Variants in MSI2 observed in about 807,000 individuals in gnomAD.
MSI2 encodes the protein musashi RNA binding protein 2, also known as RNA-binding protein Musashi homolog 2.
Under a neutral mutation model 45.6 loss-of-function variants are expected in MSI2, and 17 were observed. The observed-to-expected ratio is 0.37, with a 90% CI of 0.26 to 0.56. The LOEUF (loss-of-function observed/expected upper bound fraction) is 0.56. Among genes scored for constraint, MSI2 ranks in the 20% least tolerant of loss-of-function variants. The pLI, the probability that MSI2 is intolerant of heterozygous loss-of-function variation, is 0.77. For synonymous variants in MSI2, 156 were observed against 158.2 expected (o/e 0.99, Z 0.11); for missense variants, 293 against 444.2 (o/e 0.66, Z 3.06).
At chr17:57,650,521 A>G (rs1567959696) in intron 10 of MSI2, among the ~76,000 whole-genome samples, 1 of 152,106 alleles carries the variant, frequency 6.6e-6, no homozygotes. Context: ...CTCTCGGTTC[A>G]TTGCTGCCTT....
intron 6 of MSI2, among the ~76,000 whole-genome samples, chr17:57,447,225 T>C (rs2084916137): frequency 6.6e-6 from 1 of 152,162 alleles, no homozygotes. Flanking sequence ...TAGCTAGGGC[T>C]ATAGGTGTGT....
chr17:57,450,255 T>TAAAGAAAGAAAGAAAGAAAGAAAGAAGG (rs2084975142), intron 6 of MSI2: 11 of 76,022 alleles, frequency 1.4e-4, no homozygotes, highest in Non-Finnish European at 2.1e-4. Flanking sequence ...TTCCCCAGCT[T>TAAAGAAAGAAAGAAAGAAAGAAAGAAGG]AAAGAAAGAA....
chr17:57,442,582 G>T (rs979244491), intron 6 of MSI2, among the ~76,000 whole-genome samples: 23 of 152,044 alleles, frequency 1.5e-4, no homozygotes, highest in African/African-American at 5.3e-4. Flanking sequence ...GTTCTCCACT[G>T]GCCTCTCCTC....
chr17:57,270,403 G>T (rs1246067559), intron 5 of MSI2, among the ~76,000 whole-genome samples: 2 of 152,212 alleles, frequency 1.3e-5, no homozygotes, highest in African/African-American at 4.8e-5. Flanking sequence ...TCTCCTCTCT[G>T]CTAAGCCTTG....
chr17:57,530,679 T>A (rs1321389131), intron 7 of MSI2, among the ~76,000 whole-genome samples: 2 of 152,124 alleles, frequency 1.3e-5, no homozygotes, highest in Non-Finnish European at 2.9e-5. Flanking sequence ...TTGGATCGCA[T>A]TTAGATGTTT....
At chr17:57,628,049 GC>G in intron 10 of MSI2, 1 of 152,578 alleles carries the variant, frequency 6.6e-6, no homozygotes, top group East Asian at 1.9e-4. Flanking sequence ...TACAGGGTAT[GC>G]TTTTCCCCAG....
At chr17:57,394,510 T>C (rs1043579597) in intron 5 of MSI2, among the ~76,000 whole-genome samples, 2 of 152,208 alleles carry the variant, frequency 1.3e-5, no homozygotes, top group Non-Finnish European at 2.9e-5. Context: ...GGCTTTTCCA[T>C]AGGGGAAAAG....
At position 57,529,625 on chromosome 17, in the gene MSI2, G is replaced by T; in HGVS notation, c.406-51G>T. On this transcript the variant is annotated intron_variant, in intron 6 of 13. Transcript: ENST00000284073. This position sits in a 1 kb window ranked among gnomAD's most constrained non-coding sequence, Gnocchi z 5.3. ...CCCCGACATGCATATAATGTTTTGT[G>T]TACTTTCTTAAAATTCCTAAGGCAG... The T allele has an allele frequency of 6.4e-7, 1 of 1,557,012 alleles. No individual in the cohort carries two copies. Among genetic ancestry groups the T allele is most frequent in the African/African-American group, 1.4e-5 (1 of 73,266 alleles).
At chr17:57,629,964 C>G (rs1209504866) in intron 10 of MSI2, 1 of 152,232 alleles carries the variant, frequency 6.6e-6, no homozygotes, top group Non-Finnish European at 1.5e-5. Flanking sequence ...CAATGTGGAC[C>G]CTATGCTAAG....
At chr17:57,397,759 T>C (rs1188291951) in intron 5 of MSI2, among the ~76,000 whole-genome samples, 1 of 152,208 alleles carries the variant, frequency 6.6e-6, no homozygotes, top group South Asian at 2.1e-4. Context: ...CACAGCCCTG[T>C]CGCCCCCATA....
chr17:57,331,681 T>G (rs1358614776), intron 5 of MSI2, among the ~76,000 whole-genome samples: 1 of 152,342 alleles, frequency 6.6e-6, no homozygotes, highest in South Asian at 2.1e-4. Flanking sequence ...GTGCTTGGCA[T>G]GTAACCTTCC....
intron 5 of MSI2, among the ~76,000 whole-genome samples, chr17:57,368,393 T>TA (rs976777550): frequency 8.6e-5 from 13 of 152,004 alleles, no homozygotes; most frequent in African/African-American, 3.1e-4. Context: ...CCGTCTCTAC[T>TA]AAAAATACAA....
intron 7 of MSI2, among the ~76,000 whole-genome samples, chr17:57,594,499 C>T (rs564783123): frequency 2.6e-5 from 4 of 152,194 alleles, no homozygotes; most frequent in East Asian, 1.9e-4. Flanking sequence ...CTTAAAGGAG[C>T]GCTTGAGGAA....
chr17:57,549,260 C>T (rs888321971), intron 7 of MSI2, among the ~76,000 whole-genome samples: 1 of 151,072 alleles, frequency 6.6e-6, no homozygotes, highest in Non-Finnish European at 1.5e-5. Context: ...GGCTTGGTGC[C>T]TAGCCTGCAG....
intron 5 of MSI2, among the ~76,000 whole-genome samples, chr17:57,273,775 G>A (rs554546859): frequency 3.9e-5 from 6 of 152,202 alleles, no homozygotes; most frequent in South Asian, 2.1e-4. Context: ...AGAAGGTGCC[G>A]TGGAAACAGT....
At chr17:57,258,583 A>G (rs1235253315) in intron 4 of MSI2, among the ~76,000 whole-genome samples, 1 of 152,024 alleles carries the variant, frequency 6.6e-6, no homozygotes, top group African/African-American at 2.4e-5. Flanking sequence ...AGGCTTGGGG[A>G]GGAGAGGGTT....
At chr17:57,495,532 C>CAAAAAAAAAAAAAAA (rs56325646) in intron 6 of MSI2, among the ~76,000 whole-genome samples, 10 of 72,610 alleles carry the variant, frequency 1.4e-4, no homozygotes, top group Non-Finnish European at 1.4e-4. Flanking sequence ...GACTCTGTCT[C>CAAAAAAAAAAAAAAA]AAAAAAAAAA....
chr17:57,492,657 T>G (rs1404913785), intron 6 of MSI2, among the ~76,000 whole-genome samples: 1 of 152,120 alleles, frequency 6.6e-6, no homozygotes, highest in Non-Finnish European at 1.5e-5. Flanking sequence ...TTGCCCAGGC[T>G]GTAGTGCAAT....
At chr17:57,599,767 C>T (rs1035459947) in intron 8 of MSI2, among the ~76,000 whole-genome samples, 4 of 152,138 alleles carry the variant, frequency 2.6e-5, no homozygotes, top group African/African-American at 7.2e-5. Context: ...TTTAGAGGCC[C>T]TGGGAGAGGA....
Sources: allele counts gnomAD v4.1 joint callset (sites outside exome capture counted in the v4.1 genomes callset), GRCh38; gene constraint gnomAD v4.1.1; non-coding constraint Gnocchi (gnomAD v3.1); transcripts MANE v1.5; gene names NCBI Gene and HGNC (gene_info 2026-07-23, HGNC 2026-07-21).